B3GAT2: variants seen among roughly 807,000 people sequenced by gnomAD.
B3GAT2 encodes the protein beta-1,3-glucuronyltransferase 2, also known as galactosylgalactosylxylosylprotein 3-beta-glucuronosyltransferase 2.
Under a neutral mutation model 27.8 loss-of-function variants are expected in B3GAT2, and 26 were observed. That is an observed-to-expected ratio of 0.93 (90% CI 0.68 to 1.30). The LOEUF (loss-of-function observed/expected upper bound fraction) is 1.30. B3GAT2 is among the 50% of genes most tolerant of loss of function. The pLI, the probability that B3GAT2 is intolerant of heterozygous loss-of-function variation, is 0.00. For missense variants in B3GAT2, 458 were observed against 459.0 expected (o/e 1.00, Z 0.02); for synonymous variants, 218 against 195.1 (o/e 1.12, Z -0.98).
chr6:70,914,095 G>A (rs1239659633), intron 1 of B3GAT2, among the ~76,000 whole-genome samples: 1 of 151,946 alleles, frequency 6.6e-6, no homozygotes. Context: ...CATGAGATGG[G>A]TCTCTTGAAG....
At chr6:70,943,541 T>A (rs1380941057) in intron 1 of B3GAT2, among the ~76,000 whole-genome samples, 1 of 152,178 alleles carries the variant, frequency 6.6e-6, no homozygotes, top group African/African-American at 2.4e-5. Context: ...CTGCCTGCCC[T>A]GACATGATAC....
intron 1 of B3GAT2, among the ~76,000 whole-genome samples, chr6:70,922,954 T>C (rs995705066): frequency 7.2e-5 from 11 of 152,184 alleles, no homozygotes; most frequent in African/African-American, 2.4e-4. Context: ...AATAAGACAC[T>C]GTATGACCAT....
At chr6:70,887,752 C>T (rs1772212829) in intron 2 of B3GAT2, among the ~76,000 whole-genome samples, 1 of 152,180 alleles carries the variant, frequency 6.6e-6, no homozygotes, top group Non-Finnish European at 1.5e-5. Flanking sequence ...TCAGCAAAAC[C>T]TTCCCCAAGA....
intron 1 of B3GAT2, among the ~76,000 whole-genome samples, chr6:70,907,924 G>A (rs372907439): frequency 3.3e-5 from 5 of 152,168 alleles, no homozygotes; most frequent in African/African-American, 7.2e-5. Flanking sequence ...TGTGCTTAGC[G>A]TTGAAGCCAG....
At chr6:70,887,524 GCTGGGGCTAGGGGAAAC>G (rs1398327120) in intron 2 of B3GAT2, among the ~76,000 whole-genome samples, 3 of 152,146 alleles carry the variant, frequency 2.0e-5, no homozygotes, top group Admixed American at 6.5e-5. Flanking sequence ...CCACTCACAG[GCTGGGGCTAGGGGAAAC>G]CTGGGGCTGG....
At chr6:70,862,120 C>T (rs929244866) in intron 2 of B3GAT2, 142 bp from the exon 3 acceptor site, 27 of 715,794 alleles carry the variant, frequency 3.8e-5, no homozygotes, top group Non-Finnish European at 5.6e-5. Context: ...TGAATAGGAA[C>T]ATTACCTGTA....
intron 2 of B3GAT2, among the ~76,000 whole-genome samples, chr6:70,865,077 T>TA (rs1300629624): frequency 6.6e-6 from 1 of 152,164 alleles, no homozygotes; most frequent in Non-Finnish European, 1.5e-5. Context: ...AACCTCAGAT[T>TA]AAAAATATCT....
chr6:70,950,893 G>C (rs972563124), intron 1 of B3GAT2, among the ~76,000 whole-genome samples: 1 of 152,146 alleles, frequency 6.6e-6, no homozygotes, highest in African/African-American at 2.4e-5. Context: ...CCATGATATA[G>C]GGTATTAACA....
At chr6:70,900,097 C>T (rs1772471644) in intron 1 of B3GAT2, among the ~76,000 whole-genome samples, 1 of 152,222 alleles carries the variant, frequency 6.6e-6, no homozygotes, top group African/African-American at 2.4e-5. Flanking sequence ...GCACTCTCTT[C>T]CCATTTATTC....
intron 1 of B3GAT2, among the ~76,000 whole-genome samples, chr6:70,937,487 G>A (rs1218940960): frequency 6.6e-6 from 1 of 152,106 alleles, no homozygotes; most frequent in African/African-American, 2.4e-5. Flanking sequence ...GATGAACATG[G>A]ATGCAAAAAT....
intron 1 of B3GAT2, among the ~76,000 whole-genome samples, chr6:70,926,424 T>C (rs543776264): frequency 6.6e-6 from 1 of 152,100 alleles, no homozygotes; most frequent in Non-Finnish European, 1.5e-5. Context: ...GCTAAAAACC[T>C]GGAAAAACGA....
In B3GAT2 at chr6:70,859,491, CTG is replaced by C. The variant is rs1771605030; in HGVS notation, c.*2170_*2171del. 1 of 966,640 alleles carries C rather than the reference CTG, an allele frequency of 1.0e-6. No individual in the cohort carries two copies. The highest frequency in any genetic ancestry group is 1.5e-6 in the Non-Finnish European group (1 of 654,704). The allele number at this position is 966,640 out of a possible 1,614,324, so 59.9% of individuals were successfully genotyped here. A position where few individuals can be genotyped will look rare whatever the true frequency, so the allele number is the denominator to read the frequency against. On this transcript the variant is annotated 3_prime_UTR_variant, in exon 4 of 4. Coordinates refer to ENST00000230053, the MANE Select transcript of B3GAT2 (RefSeq NM_080742.3). Reference sequence around the variant, plus strand: ...GTAGTTTATGTTAGTGTCTTTGAAACTGTAAATAAGTCAAGTCAAATGTATTA... The same window carrying C: ...GTAGTTTATGTTAGTGTCTTTGAAACTAAATAAGTCAAGTCAAATGTATTA...
chr6:70,940,561 A>G (rs1038361185), intron 1 of B3GAT2, among the ~76,000 whole-genome samples: 3 of 152,150 alleles, frequency 2.0e-5, no homozygotes, highest in Admixed American at 6.5e-5. Context: ...ATTTGTGCCA[A>G]CGATAATCAC....
At chr6:70,901,344 A>G (rs907582152) in intron 1 of B3GAT2, among the ~76,000 whole-genome samples, 2 of 152,208 alleles carry the variant, frequency 1.3e-5, no homozygotes, top group Non-Finnish European at 1.5e-5. Context: ...TTCTAATGCC[A>G]TTCTCTTATA....
chr6:70,925,081 A>C (rs532277349), intron 1 of B3GAT2, among the ~76,000 whole-genome samples: 1 of 152,038 alleles, frequency 6.6e-6, no homozygotes, highest in East Asian at 1.9e-4. Flanking sequence ...CATTTCCCAC[A>C]CCTCTGTGAT....
intron 1 of B3GAT2, among the ~76,000 whole-genome samples, chr6:70,929,264 G>C (rs1174320293): frequency 6.6e-6 from 1 of 150,940 alleles, no homozygotes; most frequent in Non-Finnish European, 1.5e-5. Flanking sequence ...GAGTTAATGG[G>C]TGCAGCACAC....
intron 1 of B3GAT2, among the ~76,000 whole-genome samples, chr6:70,900,139 T>A (rs1772472691): frequency 6.6e-6 from 1 of 152,220 alleles, no homozygotes; most frequent in African/African-American, 2.4e-5. Flanking sequence ...GGTTTATTCC[T>A]CCTGTGATAA....
chr6:70,863,593 A>G (rs573858491), intron 2 of B3GAT2, among the ~76,000 whole-genome samples: 3 of 152,184 alleles, frequency 2.0e-5, no homozygotes, highest in Non-Finnish European at 2.9e-5. Flanking sequence ...GACACTGGCC[A>G]ACTCATTTAA....
At position 70,859,828 on chromosome 6, in the gene B3GAT2, C is replaced by T. The variant is rs1269653300; in HGVS notation, c.*1835G>A. 5.5e-6 allele frequency: 1 copy of T among 181,270 alleles called. No individual in the cohort carries two copies. The highest frequency in any genetic ancestry group is 5.7e-5 in the Admixed American group (1 of 17,518). 11.2% of individuals were successfully genotyped at this position (181,270 alleles called of 1,614,324 possible). On this transcript the variant is annotated 3_prime_UTR_variant, in exon 4 of 4. Coordinates refer to ENST00000230053, the MANE Select transcript of B3GAT2 (RefSeq NM_080742.3). ...TTAATAGAGAATAATATCTATCATA[C>T]AAAGTTTATAGGATAATTTTAGACT...
Sources: allele counts gnomAD v4.1 joint callset (sites outside exome capture counted in the v4.1 genomes callset), GRCh38; gene constraint gnomAD v4.1.1; transcripts MANE v1.5; gene names NCBI Gene and HGNC (gene_info 2026-07-23, HGNC 2026-07-21).